The following ANKS1B variants were observed in gnomAD, a reference collection of about 807,000 sequenced individuals.
ANKS1B encodes the protein ankyrin repeat and sterile alpha motif domain-containing protein 1B.
In ANKS1B, 36 loss-of-function variants were observed where a neutral mutation model predicts 148.3. The observed-to-expected ratio is 0.24, with a 90% CI of 0.19 to 0.32. ANKS1B has a LOEUF of 0.32. Ranked by LOEUF, ANKS1B falls within the 10% of genes least tolerant of loss-of-function variation. The pLI, the probability that ANKS1B is intolerant of heterozygous loss-of-function variation, is 1.00. For missense variants in ANKS1B, 1,157 were observed against 1,542.6 expected (o/e 0.75, Z 4.19); for synonymous variants, 542 against 560.8 (o/e 0.97, Z 0.47).
Position 99,570,645 on chromosome 12 carries a change from C to CAAA in ANKS1B, c.1273-66007_1273-66005dup, listed in dbSNP as rs34453262. 5.5e-3 allele frequency among the ~76,000 whole-genome samples: 568 copies of CAAA among 103,446 alleles called. 5 individuals are homozygous for CAAA. Among genetic ancestry groups the CAAA allele is most frequent in the African/African-American group, 0.017 (490 of 28,934 alleles). 67.9% of individuals were successfully genotyped at this position (103,446 alleles called of 152,430 possible). ...TGAGCGACGGAGCGAGACTTCGTCT[C>CAAA]AAAAAAAAAAAAAAAGGCAGATAAA... On this transcript the variant is annotated intron_variant, in intron 9 of 26. Coordinates refer to ENST00000683438, the MANE Select transcript of ANKS1B (RefSeq NM_001352186.2).
chr12:99,332,280 TCTA>T (rs2087717312), intron 12 of ANKS1B, among the ~76,000 whole-genome samples: 1 of 152,058 alleles, frequency 6.6e-6, no homozygotes, highest in South Asian at 2.1e-4. Flanking sequence ...GAAGCACTGA[TCTA>T]CAACATATAC....
intron 15 of ANKS1B, among the ~76,000 whole-genome samples, chr12:99,129,551 C>T (rs1036795768): frequency 1.3e-5 from 2 of 152,114 alleles, no homozygotes; most frequent in African/African-American, 2.4e-5. Context: ...AGTGTGTAGG[C>T]CAAGGCTCAG....
exon 10 of ANKS1B, chr12:98,735,589 G>A (rs553290965): frequency 1.3e-6 from 1 of 774,468 alleles, no homozygotes; most frequent in South Asian, 1.4e-5. Flanking sequence ...TCCTCAGTGT[G>A]TCTCTCTGAT....
At chr12:99,052,386 A>G (rs993802525) in intron 17 of ANKS1B, among the ~76,000 whole-genome samples, 1 of 152,218 alleles carries the variant, frequency 6.6e-6, no homozygotes, top group Non-Finnish European at 1.5e-5. Context: ...ATTTAGTAAG[A>G]ATAAAAGCAG....
chr12:99,819,562 T>C (rs1486735861), intron 2 of ANKS1B, among the ~76,000 whole-genome samples: 1 of 151,792 alleles, frequency 6.6e-6, no homozygotes, highest in Non-Finnish European at 1.5e-5. Flanking sequence ...ATAGAAAATA[T>C]CTTATGTGTA....
At chr12:98,994,747 G>A (rs1248678620) in intron 17 of ANKS1B, among the ~76,000 whole-genome samples, 1 of 152,082 alleles carries the variant, frequency 6.6e-6, no homozygotes, top group Non-Finnish European at 1.5e-5. Context: ...GTTTTCACAC[G>A]GACTTCCCTC....
intron 10 of ANKS1B, among the ~76,000 whole-genome samples, chr12:99,489,248 A>C (rs1397901524): frequency 1.3e-5 from 2 of 151,354 alleles, no homozygotes; most frequent in African/African-American, 4.9e-5. Flanking sequence ...TCTCAGAAAA[A>C]AAAAAAAAAA....
chr12:99,185,869 C>A (rs2079771166), intron 14 of ANKS1B, among the ~76,000 whole-genome samples: 2 of 152,138 alleles, frequency 1.3e-5, no homozygotes, highest in Admixed American at 1.3e-4. Context: ...ACCCCAGTGG[C>A]CCTGGAACAC....
intron 19 of ANKS1B, among the ~76,000 whole-genome samples, chr12:98,822,314 G>A (rs1225950641): frequency 6.6e-6 from 1 of 152,078 alleles, no homozygotes; most frequent in Non-Finnish European, 1.5e-5. Flanking sequence ...GGAAGAAGGA[G>A]AAGGAGAATA....
At chr12:99,929,974 A>T (rs951815292) in intron 1 of ANKS1B, among the ~76,000 whole-genome samples, 2 of 152,150 alleles carry the variant, frequency 1.3e-5, no homozygotes, top group Non-Finnish European at 2.9e-5. Flanking sequence ...TTGACTTGGC[A>T]ATGCAGGCTC....
intron 17 of ANKS1B, among the ~76,000 whole-genome samples, chr12:98,853,396 G>A (rs369712099): frequency 6.6e-6 from 1 of 152,272 alleles, no homozygotes. Context: ...GAACACCACC[G>A]AGGGCCCATG....
At chr12:99,120,989 A>T (rs1430956094) in intron 15 of ANKS1B, among the ~76,000 whole-genome samples, 2 of 152,190 alleles carry the variant, frequency 1.3e-5, no homozygotes, top group African/African-American at 2.4e-5. Context: ...GAGAATGATG[A>T]CTAACCTAAT....
chr12:98,927,772 A>C (rs180921072), intron 17 of ANKS1B, among the ~76,000 whole-genome samples: 2 of 151,966 alleles, frequency 1.3e-5, no homozygotes, highest in Non-Finnish European at 2.9e-5. Context: ...GAAAATAAAG[A>C]TATAGTAAGA....
At chr12:99,165,750 G>C (rs992688836) in intron 14 of ANKS1B, among the ~76,000 whole-genome samples, 1 of 151,842 alleles carries the variant, frequency 6.6e-6, no homozygotes, top group African/African-American at 2.4e-5. Context: ...GAAAGTTGAG[G>C]AGAGAGAATA....
intron 17 of ANKS1B, among the ~76,000 whole-genome samples, chr12:98,964,451 T>C (rs924385359): frequency 2.0e-5 from 3 of 152,188 alleles, no homozygotes; most frequent in Non-Finnish European, 4.4e-5. Context: ...GCTAGGTATA[T>C]ACCCAAAAGA....
At chr12:99,565,938 T>C (rs1389513022) in intron 9 of ANKS1B, among the ~76,000 whole-genome samples, 1 of 152,156 alleles carries the variant, frequency 6.6e-6, no homozygotes, top group African/African-American at 2.4e-5. Flanking sequence ...CCCTTCAGCC[T>C]CCTAGAGGCC....
intron 24 of ANKS1B, among the ~76,000 whole-genome samples, chr12:98,776,712 TCTC>T (rs1390833090): frequency 6.6e-6 from 1 of 152,196 alleles, no homozygotes; most frequent in Non-Finnish European, 1.5e-5. Context: ...TTCTCTTGCA[TCTC>T]CTCATCAGCC....
At chr12:99,965,001 A>G (rs1234058745) in intron 1 of ANKS1B, among the ~76,000 whole-genome samples, 1 of 152,234 alleles carries the variant, frequency 6.6e-6, no homozygotes, top group Non-Finnish European at 1.5e-5. Context: ...CAATAAACTC[A>G]TATTTTTAAT....
At chr12:99,626,416 CACT>C (rs1210278013) in intron 9 of ANKS1B, among the ~76,000 whole-genome samples, 2 of 152,170 alleles carry the variant, frequency 1.3e-5, no homozygotes, top group Non-Finnish European at 2.9e-5. Flanking sequence ...TTTGCATCAT[CACT>C]ACATGTTTGA....
Sources: gnomAD v4.1 joint callset for allele counts (sites outside exome capture counted in the v4.1 genomes callset) on GRCh38, gnomAD v4.1.1 for gene constraint, MANE v1.5 for transcripts, NCBI Gene and HGNC (gene_info 2026-07-23, HGNC 2026-07-21) for gene names.